KCNH1: variants seen among roughly 807,000 people sequenced by gnomAD.
KCNH1 encodes the protein potassium voltage-gated channel subfamily H member 1.
In KCNH1, 27 loss-of-function variants were observed where a neutral mutation model predicts 69.2. The observed-to-expected ratio is 0.39, with a 90% CI of 0.29 to 0.54. The LOEUF (loss-of-function observed/expected upper bound fraction) is 0.54, where lower values mean the gene tolerates loss of function less well. Among genes scored for constraint, KCNH1 ranks in the 20% least tolerant of loss-of-function variants. The pLI is 0.68. For missense variants in KCNH1, 798 were observed against 1,261.6 expected, an observed-to-expected ratio of 0.63 and a Z score of 5.57; for synonymous variants, 456 against 487.7, an observed-to-expected ratio of 0.93 and a Z score of 0.86.
At chr1:210,975,378 A>G (rs1688588008) in intron 6 of KCNH1, among the ~76,000 whole-genome samples, 1 of 152,358 alleles carries the variant, frequency 6.6e-6, no homozygotes, top group East Asian at 1.9e-4. Flanking sequence ...CCAAAACAGC[A>G]TGGTACTGGT....
chr1:210,723,295 GA>G (rs931551223), intron 10 of KCNH1, among the ~76,000 whole-genome samples: 4 of 151,664 alleles, frequency 2.6e-5, no homozygotes, highest in South Asian at 4.2e-4. Flanking sequence ...TTAGCCATGA[GA>G]AAAAAAATGT....
chr1:211,132,456 G>T (rs1449808278), intron 1 of KCNH1: 2 of 152,058 alleles, frequency 1.3e-5, no homozygotes, highest in African/African-American at 4.8e-5. Flanking sequence ...GAAAGGAAAG[G>T]TGACTGACCA....
chr1:210,804,248 C>T (rs143679681), intron 7 of KCNH1, 82 bp from the exon 8 acceptor site: 1 of 1,217,844 alleles, frequency 8.2e-7, no homozygotes, highest in African/African-American at 1.5e-5. Context: ...TCAGCTTGCT[C>T]AGAGTAGGCC....
At chr1:210,772,816 T>C (rs936662733) in intron 10 of KCNH1, among the ~76,000 whole-genome samples, 1 of 152,170 alleles carries the variant, frequency 6.6e-6, no homozygotes, top group African/African-American at 2.4e-5. Flanking sequence ...AATCTGTCTA[T>C]AATTTTGGTT....
At chr1:210,760,529 A>T (rs559153379) in intron 10 of KCNH1, among the ~76,000 whole-genome samples, 4 of 152,246 alleles carry the variant, frequency 2.6e-5, no homozygotes, top group African/African-American at 7.2e-5. Flanking sequence ...CCTACAAAAA[A>T]TGCTTAAAGG....
In KCNH1 at chr1:210,683,921, G is replaced by T. The variant is rs773927037; in HGVS notation, c.2330C>A (p.Ser777Tyr). ...EKGNVLTEHASANHSLVKASV... is the reference protein window; with the variant it reads ...EKGNVLTEHAYANHSLVKASV... ...GGCCTTCACGAGGCTGTGGTTGGCG[G>T]AGGCATGCTCTGTAAGGACATTGCC... Residue 777 changes from serine to tyrosine, a missense_variant, in exon 11 of 11, where the codon TCC (serine) becomes TAC (tyrosine). By Grantham distance (144) the Ser-to-Tyr change is moderately radical (BLOSUM62 -2). Around this residue, in one of 4 missense-constraint regions of KCNH1, gnomAD observed 331 missense variants for 363.2 expected, o/e 0.91. Transcript: ENST00000271751. The surrounding 1 kb of genome is among the most constrained non-coding windows in gnomAD (Gnocchi z 5.7). 1.9e-6 allele frequency: 3 copies of T among 1,612,696 alleles called. No homozygotes were observed. Among genetic ancestry groups the T allele is most frequent in the Admixed American group, 3.3e-5 (2 of 59,980 alleles).
At chr1:210,686,538 G>A (rs1681412110) in intron 10 of KCNH1, among the ~76,000 whole-genome samples, 1 of 152,194 alleles carries the variant, frequency 6.6e-6, no homozygotes, top group Non-Finnish European at 1.5e-5. Context: ...GAGAGGAGAG[G>A]AGAGAATAAG....
chr1:210,964,321 C>T (rs1218996769), intron 6 of KCNH1, among the ~76,000 whole-genome samples: 1 of 152,114 alleles, frequency 6.6e-6, no homozygotes, highest in African/African-American at 2.4e-5. Flanking sequence ...TAGTATCAGC[C>T]ACTGCAAAAT....
chr1:211,088,219 T>C (rs927938663), intron 4 of KCNH1, among the ~76,000 whole-genome samples: 25 of 152,208 alleles, frequency 1.6e-4, no homozygotes, highest in African/African-American at 4.1e-4. Context: ...TATCCACATT[T>C]CCATTCCATC....
At chr1:211,001,464 A>G (rs1053869947) in intron 6 of KCNH1, among the ~76,000 whole-genome samples, 1 of 152,080 alleles carries the variant, frequency 6.6e-6, no homozygotes. Context: ...CCACAATGAG[A>G]TACCATCCCA....
intron 9 of KCNH1, among the ~76,000 whole-genome samples, chr1:210,795,962 AACACACACACACAC>A (rs369505764): frequency 0.034 from 4,608 of 136,054 alleles, 252 homozygotes; most frequent in African/African-American, 0.12. Flanking sequence ...CTCTACTAAA[AACACACACACACAC>A]ACACACACAC....
intron 7 of KCNH1, among the ~76,000 whole-genome samples, chr1:210,836,128 AAAAAAT>A (rs1685276386): frequency 6.6e-6 from 1 of 151,608 alleles, no homozygotes; most frequent in African/African-American, 2.4e-5. Flanking sequence ...AAAAAAAAAA[AAAAAAT>A]TTCTATATTG....
intron 7 of KCNH1, among the ~76,000 whole-genome samples, chr1:210,853,946 C>CAAAAAAAAAAAAAAAACAA (rs1685767518): frequency 3.3e-5 from 2 of 61,530 alleles, no homozygotes; most frequent in African/African-American, 7.4e-5. Flanking sequence ...TTATCTAAGC[C>CAAAAAAAAAAAAAAAACAA]AAAAAAAAAA....
chr1:210,789,474 G>T (rs1684172977), intron 9 of KCNH1, among the ~76,000 whole-genome samples: 1 of 152,046 alleles, frequency 6.6e-6, no homozygotes, highest in Non-Finnish European at 1.5e-5. Flanking sequence ...CTTTTTTTCT[G>T]ATCGAATTGG....
intron 5 of KCNH1, among the ~76,000 whole-genome samples, chr1:211,048,227 G>A (rs1298032615): frequency 6.6e-6 from 1 of 152,194 alleles, no homozygotes; most frequent in African/African-American, 2.4e-5. Context: ...CTTTTACACT[G>A]CCGGTGTGAA....
chr1:210,846,916 G>A (rs898672674), intron 7 of KCNH1, among the ~76,000 whole-genome samples: 8 of 152,112 alleles, frequency 5.3e-5, no homozygotes, highest in Non-Finnish European at 1.0e-4. Context: ...AAAAGTGGGC[G>A]AAGGACATGA....
At chr1:210,754,194 C>T (rs1288442590) in intron 10 of KCNH1, among the ~76,000 whole-genome samples, 1 of 152,078 alleles carries the variant, frequency 6.6e-6, no homozygotes, top group Non-Finnish European at 1.5e-5. Flanking sequence ...GCTGGGATTA[C>T]AGGCATGAGC....
chr1:211,101,681 T>C (rs983720767), intron 3 of KCNH1, among the ~76,000 whole-genome samples: 1 of 152,220 alleles, frequency 6.6e-6, no homozygotes, highest in Non-Finnish European at 1.5e-5. Context: ...GTGGTAGCCC[T>C]GCCTTGTACT....
intron 6 of KCNH1, among the ~76,000 whole-genome samples, chr1:210,968,690 C>T (rs886123064): frequency 4.6e-5 from 7 of 151,876 alleles, no homozygotes; most frequent in African/African-American, 1.7e-4. Context: ...CTGTTCATGT[C>T]CTTCGCCCAC....
Sources: gnomAD v4.1 joint callset for allele counts (sites outside exome capture counted in the v4.1 genomes callset) on GRCh38, gnomAD v4.1.1 for gene constraint, gnomAD v4.1.1 regional missense constraint, Gnocchi (gnomAD v3.1) non-coding constraint, MANE v1.5 for transcripts, NCBI Gene and HGNC (gene_info 2026-07-23, HGNC 2026-07-21) for gene names.